The following NRXN1 variants were observed in gnomAD, a reference collection of about 807,000 sequenced individuals.
The protein encoded by NRXN1 is neurexin-1.
NRXN1 carries 39 observed loss-of-function variants against 150.9 expected under a neutral mutation model. The ratio of observed to expected loss-of-function variants is 0.26; its 90% CI spans 0.20 to 0.34. The LOEUF (loss-of-function observed/expected upper bound fraction) is 0.34. Among genes scored for constraint, NRXN1 ranks in the 10% least tolerant of loss-of-function variants. The probability of loss-of-function intolerance (pLI) is 1.00; values close to 1 mark genes in which losing one functional copy is unlikely to be tolerated. For synonymous variants in NRXN1, 924 were observed against 757.0 expected (o/e 1.22, Z -3.62); for missense variants, 1,815 against 1,949.9 (o/e 0.93, Z 1.30).
chr2:50,974,362 G>A (rs1044894865), intron 2 of NRXN1, among the ~76,000 whole-genome samples: 2 of 152,158 alleles, frequency 1.3e-5, no homozygotes, highest in Non-Finnish European at 2.9e-5. Flanking sequence ...AAAGAAACCA[G>A]TACCTGGGGA....
intron 2 of NRXN1, among the ~76,000 whole-genome samples, chr2:51,012,428 A>C (rs1468804262): frequency 6.6e-6 from 1 of 152,074 alleles, no homozygotes; most frequent in Non-Finnish European, 1.5e-5. Context: ...GCATTTTCAA[A>C]AAGTAAACCT....
intron 17 of NRXN1, among the ~76,000 whole-genome samples, chr2:50,287,663 G>A (rs1381481230): frequency 1.3e-5 from 2 of 152,002 alleles, no homozygotes; most frequent in East Asian, 3.9e-4. Flanking sequence ...ATAATGGAAT[G>A]GTCTGATTTC....
chr2:50,933,704 A>G (rs1688112112), intron 2 of NRXN1, among the ~76,000 whole-genome samples: 1 of 152,112 alleles, frequency 6.6e-6, no homozygotes, highest in South Asian at 2.1e-4. Context: ...CTGTTGATTT[A>G]CTGATCCATA....
intron 5 of NRXN1, among the ~76,000 whole-genome samples, chr2:50,720,793 G>A (rs950365194): frequency 1.3e-5 from 2 of 152,038 alleles, no homozygotes; most frequent in South Asian, 2.1e-4. Flanking sequence ...AAAAATGCAC[G>A]GAAAGCTCCC....
chr2:50,519,275 C>T (rs1198574461), intron 12 of NRXN1, among the ~76,000 whole-genome samples: 1 of 151,898 alleles, frequency 6.6e-6, no homozygotes, highest in Non-Finnish European at 1.5e-5. Flanking sequence ...AATGACAGTG[C>T]TAACTTAATT....
chr2:50,434,158 C>T (rs989948449), intron 17 of NRXN1, among the ~76,000 whole-genome samples: 18 of 147,422 alleles, frequency 1.2e-4, no homozygotes, highest in Non-Finnish European at 2.4e-4. Context: ...CTCCCGGGTT[C>T]GCGCCACTCT....
chr2:50,676,335 A>G (rs529541481), intron 5 of NRXN1, among the ~76,000 whole-genome samples: 1 of 152,130 alleles, frequency 6.6e-6, no homozygotes, highest in Non-Finnish European at 1.5e-5. Flanking sequence ...ACCCACCCTT[A>G]GGTATTCCTT....
intron 10 of NRXN1, among the ~76,000 whole-genome samples, chr2:50,535,146 G>C (rs114094588): frequency 2.6e-5 from 4 of 152,188 alleles, no homozygotes; most frequent in African/African-American, 9.6e-5. Context: ...GTAGTCTAGA[G>C]TTGCCAAATA....
intron 17 of NRXN1, among the ~76,000 whole-genome samples, chr2:50,460,909 T>C (rs140308753): frequency 8.5e-4 from 130 of 152,162 alleles, no homozygotes; most frequent in African/African-American, 3.0e-3. Flanking sequence ...CATAGCTACT[T>C]GCTAAATTTT....
intron 21 of NRXN1, among the ~76,000 whole-genome samples, chr2:50,034,829 C>G (rs1230470847): frequency 6.6e-6 from 1 of 151,998 alleles, no homozygotes; most frequent in African/African-American, 2.4e-5. Flanking sequence ...TCTATGTTGA[C>G]TTACCTGAAT....
intron 5 of NRXN1, among the ~76,000 whole-genome samples, chr2:50,635,259 G>A (rs1331692811): frequency 1.3e-5 from 2 of 151,048 alleles, no homozygotes; most frequent in Non-Finnish European, 2.9e-5. Context: ...CCGGGTTCAC[G>A]CCATTCTCCT....
At chr2:50,646,940 G>A (rs1684901130) in intron 5 of NRXN1, among the ~76,000 whole-genome samples, 1 of 151,750 alleles carries the variant, frequency 6.6e-6, no homozygotes, top group African/African-American at 2.4e-5. Context: ...TGTGAATACA[G>A]AGTATTTTCC....
Position 50,498,598 on chromosome 2 carries a change from C to G in NRXN1, c.2498-884G>C, listed in dbSNP as rs377541668. Among the ~76,000 whole-genome samples the G allele has an allele frequency of 2.2e-4, 33 of 152,234 alleles. No individual in the cohort carries two copies. In the South Asian group the frequency reaches 6.2e-3, roughly 29 times the overall value. ...ATTTCTCTCTATCCCTGCATATTTC[C>G]CTGTCAAACCCATTAATAGCAAACT... On this transcript the variant is annotated intron_variant, in intron 13 of 22. Transcript: ENST00000401669.
At chr2:50,870,239 C>T (rs1677573996) in intron 5 of NRXN1, among the ~76,000 whole-genome samples, 1 of 151,976 alleles carries the variant, frequency 6.6e-6, no homozygotes, top group Admixed American at 6.6e-5. Context: ...TATTATAAAA[C>T]CAAATAACCA....
At chr2:50,465,388 A>G in intron 17 of NRXN1, 54 bp downstream of exon 17, 1 of 1,520,936 alleles carries the variant, frequency 6.6e-7, no homozygotes, top group Non-Finnish European at 8.9e-7. Context: ...TTAGATATCA[A>G]ACAGTAACTG....
intron 5 of NRXN1, among the ~76,000 whole-genome samples, chr2:50,673,523 G>T (rs1689139221): frequency 6.6e-6 from 1 of 152,032 alleles, no homozygotes; most frequent in South Asian, 2.1e-4. Context: ...GTAATCTTCA[G>T]TACTGCTCAT....
intron 21 of NRXN1, among the ~76,000 whole-genome samples, chr2:49,997,642 CTTA>C (rs1458053304): frequency 5.3e-5 from 8 of 152,086 alleles, no homozygotes; most frequent in African/African-American, 1.9e-4. Context: ...CTTTGAGAAG[CTTA>C]TTGTCTCCTT....
intron 18 of NRXN1, among the ~76,000 whole-genome samples, chr2:50,219,993 A>ATT (rs1236547585): frequency 1.5e-4 from 5 of 34,192 alleles, no homozygotes; most frequent in African/African-American, 7.1e-4. Context: ...TATTATATAT[A>ATT]ATATATATTA....
At chr2:50,430,297 T>C (rs901334525) in intron 17 of NRXN1, among the ~76,000 whole-genome samples, 3 of 152,038 alleles carry the variant, frequency 2.0e-5, no homozygotes, top group African/African-American at 7.2e-5. Context: ...TATCAGTCTG[T>C]AATTTCACTT....
Sources: gnomAD v4.1 joint callset for allele counts (sites outside exome capture counted in the v4.1 genomes callset) on GRCh38, gnomAD v4.1.1 for gene constraint, MANE v1.5 for transcripts, NCBI Gene and HGNC (gene_info 2026-07-23, HGNC 2026-07-21) for gene names.